EVC: variants seen among roughly 807,000 people sequenced by gnomAD.
EVC encodes the protein evC complex member EVC.
In EVC, 116 loss-of-function variants were observed where a neutral mutation model predicts 118.9. That is an observed-to-expected ratio of 0.98 (90% CI 0.84 to 1.14). The LOEUF (loss-of-function observed/expected upper bound fraction) is 1.14, where lower values mean the gene tolerates loss of function less well. Among genes scored for constraint, EVC ranks in the 50% most tolerant of loss-of-function variants. The pLI is 0.00. For synonymous variants in EVC, 619 were observed against 534.7 expected (o/e 1.16, Z -2.18); for missense variants, 1,401 against 1,246.4 (o/e 1.12, Z -1.87).
chr4:5,777,851 A>T (rs2035306), intron 11 of EVC, among the ~76,000 whole-genome samples: 1 of 146,248 alleles, frequency 6.8e-6, no homozygotes, highest in African/African-American at 2.6e-5. Flanking sequence ...TGTTGTTGTT[A>T]TTATACTTTA....
chr4:5,778,662 C>A (rs1448774708), intron 11 of EVC, among the ~76,000 whole-genome samples: 3 of 152,138 alleles, frequency 2.0e-5, no homozygotes, highest in Admixed American at 2.0e-4. Context: ...CTGTTCATGT[C>A]CTTCGCCCAC....
rs768352386 is a variant in EVC at position 5,749,221 on chromosome 4, G to T, written c.1098+915G>T. Among the ~76,000 whole-genome samples, 1 of 151,888 alleles carries T rather than the reference G, an allele frequency of 6.6e-6. No individual in the cohort carries two copies. Among genetic ancestry groups the T allele is most frequent in the Non-Finnish European group, 1.5e-5 (1 of 67,990 alleles). On this transcript the variant is annotated intron_variant, in intron 8 of 20. Transcript: ENST00000264956. The surrounding 1 kb of genome is among the most constrained non-coding windows in gnomAD (Gnocchi z 4.4). Reference sequence around the variant, plus strand: ...TGAACTATTCTGACGGGAGGCCAGGGATACAAACCCCTGGTGCATGGGTGT... The same window carrying T: ...TGAACTATTCTGACGGGAGGCCAGGTATACAAACCCCTGGTGCATGGGTGT...
chr4:5,758,967 T>C (rs969492267), intron 11 of EVC, among the ~76,000 whole-genome samples: 1 of 152,116 alleles, frequency 6.6e-6, no homozygotes, highest in Non-Finnish European at 1.5e-5. Flanking sequence ...TCAGAGCAGA[T>C]GAGACAGCCT....
At position 5,809,608 on chromosome 4, in the gene EVC, C is replaced by T; in HGVS notation, c.2779C>T (p.Leu927=). 2 of 1,614,018 alleles carry T rather than the reference C, an allele frequency of 1.2e-6. No individual in the cohort carries two copies. The highest frequency in any genetic ancestry group is 1.7e-6 in the Non-Finnish European group (2 of 1,179,924). ...ACTGTTGCCTGCTAAGCGTGGGCTGCTAGGTGAGTCACAGATGCTTGAGTT... is the reference window on the plus strand; with the variant it reads ...ACTGTTGCCTGCTAAGCGTGGGCTGTTAGGTGAGTCACAGATGCTTGAGTT... ...SKLLPAKRGL[L]EKPLRTKRKK... The change falls in exon 19 of 21, where the codon CTA becomes TTA. Residue 927 remains leucine, a synonymous_variant. Transcript: ENST00000264956.
At chr4:5,774,512 CTG>C (rs1218237291) in intron 11 of EVC, among the ~76,000 whole-genome samples, 1 of 152,008 alleles carries the variant, frequency 6.6e-6, no homozygotes, top group East Asian at 1.9e-4. Context: ...ACAGATAAGA[CTG>C]AGCCTTGAGT....
chr4:5,772,926 G>A (rs1181862914), intron 11 of EVC, among the ~76,000 whole-genome samples: 1 of 152,230 alleles, frequency 6.6e-6, no homozygotes, highest in African/African-American at 2.4e-5. Context: ...CTTTAGGGGA[G>A]CCCTCCTCTG....
At chr4:5,823,489 C>T in the EVC span, among the ~76,000 whole-genome samples, 1 of 152,174 alleles carries the variant, frequency 6.6e-6, no homozygotes, top group Non-Finnish European at 1.5e-5. Context: ...CCCAAAACTT[C>T]GTGTTGAAAT....
Position 5,719,779 on chromosome 4 carries a change from T to G in EVC, c.300+406T>G, listed in dbSNP as rs754965729. On this transcript the variant is annotated intron_variant, in intron 2 of 20. Coordinates refer to ENST00000264956, the MANE Select transcript of EVC (RefSeq NM_153717.3). The surrounding 1 kb of genome is among the most constrained non-coding windows in gnomAD (Gnocchi z 4.7). Reference sequence around the variant, plus strand: ...CCTCCACAGAATGCCTTAAGATGTTTCCCTTTCGTTGTGTGTATCAATAAT... The same window carrying G: ...CCTCCACAGAATGCCTTAAGATGTTGCCCTTTCGTTGTGTGTATCAATAAT... 3.9e-5 allele frequency among the ~76,000 whole-genome samples: 6 copies of G among 152,168 alleles called. No individual in the cohort carries two copies. Among genetic ancestry groups the G allele is most frequent in the Non-Finnish European group, 7.3e-5 (5 of 68,034 alleles).
At chr4:5,827,782 C>A in the EVC span, among the ~76,000 whole-genome samples, 1 of 151,968 alleles carries the variant, frequency 6.6e-6, no homozygotes, top group South Asian at 2.1e-4. Context: ...CAAACATCAG[C>A]TGTCTCATGG....
At chr4:5,786,691 G>A (rs1011870435) in intron 12 of EVC, among the ~76,000 whole-genome samples, 11 of 152,122 alleles carry the variant, frequency 7.2e-5, no homozygotes, top group Non-Finnish European at 1.5e-4. Context: ...GGCTAACATG[G>A]TGAAACCCCG....
chr4:5,821,336 C>T, the EVC span: 5 of 168,702 alleles, frequency 3.0e-5, no homozygotes, highest in African/African-American at 9.4e-5. The surrounding 1 kb of genome is among the most constrained non-coding windows in gnomAD (Gnocchi z 4.4). Flanking sequence ...CAGTCCTTGG[C>T]GATGTCCCCT....
At chr4:5,801,708 T>C (rs1400256014) in intron 15 of EVC, 1 of 433,834 alleles carries the variant, frequency 2.3e-6, no homozygotes, top group Non-Finnish European at 4.3e-6. Context: ...GGGGAAGGCC[T>C]CTTAGCCGAC....
chr4:5,712,642 G>A (rs1347386626), intron 1 of EVC, among the ~76,000 whole-genome samples: 1 of 152,198 alleles, frequency 6.6e-6, no homozygotes, highest in Non-Finnish European at 1.5e-5. Context: ...CGGTTTCCAT[G>A]TAGGCACAGG....
At position 5,811,320 on chromosome 4, in the gene EVC, G is replaced by C. The variant is rs1186491623; in HGVS notation, c.*283G>C. ...CCTCATGGATCTTTCTCCCCAAGGA[G>C]GGACGTCTTGAGGGGTCCGAGCCTC... On this transcript the variant is annotated 3_prime_UTR_variant, in exon 21 of 21. Coordinates refer to ENST00000264956, the MANE Select transcript of EVC (RefSeq NM_153717.3). The C allele has an allele frequency of 2.3e-6, 1 of 432,420 alleles. No individual in the cohort carries two copies. The allele number at this position is 432,420 out of a possible 1,614,324, so 26.8% of individuals were successfully genotyped here. A position where few individuals can be genotyped will look rare whatever the true frequency, so the allele number is the denominator to read the frequency against.
chr4:5,736,225 T>C (rs929188500), intron 5 of EVC, among the ~76,000 whole-genome samples: 2 of 152,176 alleles, frequency 1.3e-5, no homozygotes, highest in African/African-American at 2.4e-5. Flanking sequence ...AGAATATTAC[T>C]TTGATTGTGG....
intron 1 of EVC, among the ~76,000 whole-genome samples, chr4:5,715,258 A>T (rs879914250): frequency 3.3e-5 from 5 of 152,242 alleles, no homozygotes; most frequent in Non-Finnish European, 7.3e-5. Flanking sequence ...TCCCAGAAAC[A>T]TTCTGACAAG....
intron 17 of EVC, among the ~76,000 whole-genome samples, chr4:5,805,993 AGT>A (rs1560441379): frequency 6.6e-6 from 1 of 150,628 alleles, no homozygotes; most frequent in African/African-American, 2.4e-5. Flanking sequence ...TCACCCAAAT[AGT>A]GTACGTTTTA....
chr4:5,769,318 C>T (rs1417711351), intron 11 of EVC, among the ~76,000 whole-genome samples: 1 of 152,052 alleles, frequency 6.6e-6, no homozygotes, highest in Non-Finnish European at 1.5e-5. Context: ...TGGGAAAGAC[C>T]CACCCCAGTG....
At chr4:5,767,003 T>G (rs1383670174) in intron 11 of EVC, among the ~76,000 whole-genome samples, 2 of 151,008 alleles carry the variant, frequency 1.3e-5, no homozygotes, top group Non-Finnish European at 3.0e-5. Context: ...CCAGTTTTTC[T>G]GCTCTGTTTT....
Sources: allele counts gnomAD v4.1 joint callset (sites outside exome capture counted in the v4.1 genomes callset), GRCh38; gene constraint gnomAD v4.1.1; non-coding constraint Gnocchi (gnomAD v3.1); transcripts MANE v1.5; gene names NCBI Gene and HGNC (gene_info 2026-07-23, HGNC 2026-07-21).